The following PARD3B variants were observed in gnomAD, a reference collection of about 807,000 sequenced individuals.
The protein encoded by PARD3B is partitioning defective 3 homolog B.
In PARD3B, 103 loss-of-function variants were observed where a neutral mutation model predicts 130.2. The ratio of observed to expected loss-of-function variants is 0.79; its 90% CI spans 0.67 to 0.93. The LOEUF (loss-of-function observed/expected upper bound fraction) is 0.93, where lower values mean the gene tolerates loss of function less well. Ranked by LOEUF, PARD3B falls within the 40% of genes least tolerant of loss-of-function variation. PARD3B has a pLI of 0.00. For missense variants in PARD3B, 1,609 were observed against 1,499.2 expected (o/e 1.07, Z -1.21); for synonymous variants, 583 against 553.2 (o/e 1.05, Z -0.76).
At position 204,998,342 on chromosome 2, in the gene PARD3B, ATATATATATATATATATG is replaced by A. The variant is rs1159092240; in HGVS notation, c.394+33021_394+33038del. 2.1e-3 allele frequency among the ~76,000 whole-genome samples: 171 copies of A among 82,938 alleles called. 11 individuals carry two copies. The highest frequency in any genetic ancestry group is 0.01 in the Middle Eastern group (2 of 194). The allele number at this position is 82,938 out of a possible 152,430, so 54.4% of individuals were successfully genotyped here. A position where few individuals can be genotyped will look rare whatever the true frequency, so the allele number is the denominator to read the frequency against. Reference sequence around the variant, plus strand: ...TATATATATATATATATATATATATATATATATATATATATATGTGTGTGTGTGTGTGTATATATGTGT... The same window carrying A: ...TATATATATATATATATATATATATATGTGTGTGTGTGTGTATATATGTGT... On this transcript the variant is annotated intron_variant, in intron 3 of 22. Coordinates refer to ENST00000406610, the MANE Select transcript of PARD3B (RefSeq NM_001302769.2).
intron 3 of PARD3B, among the ~76,000 whole-genome samples, chr2:204,983,214 A>G (rs986235543): frequency 2.0e-5 from 3 of 152,184 alleles, no homozygotes; most frequent in African/African-American, 4.8e-5. Flanking sequence ...ATTTGCAGAC[A>G]TTATGTAGGA....
chr2:204,582,763 T>C (rs2032626769), intron 1 of PARD3B, among the ~76,000 whole-genome samples: 2 of 152,252 alleles, frequency 1.3e-5, no homozygotes, highest in Admixed American at 6.5e-5. Context: ...ATCTTCATGT[T>C]TGTGTAGATG....
At chr2:204,903,809 T>C (rs2046952035) in intron 2 of PARD3B, among the ~76,000 whole-genome samples, 1 of 152,214 alleles carries the variant, frequency 6.6e-6, no homozygotes, top group Non-Finnish European at 1.5e-5. Flanking sequence ...AGCTTTAAAA[T>C]GGCAAATAGA....
chr2:204,630,173 A>C (rs893822319), intron 1 of PARD3B, among the ~76,000 whole-genome samples: 28 of 152,120 alleles, frequency 1.8e-4, no homozygotes, highest in Non-Finnish European at 3.8e-4. Context: ...ATAGTGTTAT[A>C]CTCAATCTGA....
chr2:204,789,559 A>G (rs1160579670), intron 2 of PARD3B, among the ~76,000 whole-genome samples: 2 of 152,218 alleles, frequency 1.3e-5, no homozygotes, highest in African/African-American at 4.8e-5. Context: ...TAGGAAAGTG[A>G]TGTCATGAAG....
chr2:204,716,980 G>A (rs913063704), intron 2 of PARD3B, among the ~76,000 whole-genome samples: 1 of 152,122 alleles, frequency 6.6e-6, no homozygotes, highest in African/African-American at 2.4e-5. Context: ...GTATGGGTAA[G>A]GTTTTCTGAT....
chr2:205,380,365 A>T (rs1203819883), intron 18 of PARD3B, among the ~76,000 whole-genome samples: 9 of 23,724 alleles, frequency 3.8e-4, no homozygotes, highest in Non-Finnish European at 4.6e-4. Context: ...ATATATAAAG[A>T]ATATATATTA....
chr2:204,724,856 G>A (rs2039154815), intron 2 of PARD3B, among the ~76,000 whole-genome samples: 1 of 151,876 alleles, frequency 6.6e-6, no homozygotes, highest in African/African-American at 2.4e-5. Flanking sequence ...GGTGGGTAGG[G>A]GGAAGACAGG....
Position 205,229,082 on chromosome 2 carries a change from G to GT in PARD3B, c.2141-16695dup, listed in dbSNP as rs1452752573. Among the ~76,000 whole-genome samples the GT allele has an allele frequency of 2.0e-5, 3 of 152,206 alleles. No individual in the cohort carries two copies. The highest frequency in any genetic ancestry group is 4.4e-5 in the Non-Finnish European group (3 of 68,030). On this transcript the variant is annotated intron_variant, in intron 15 of 22. Coordinates refer to ENST00000406610, the MANE Select transcript of PARD3B (RefSeq NM_001302769.2). This position sits in a 1 kb window ranked among gnomAD's most constrained non-coding sequence, Gnocchi z 5.2. ...ATTCTGTATCTGAAAGGTCACTTAT[G>GT]TCTGTCTCTCTGGGTTTGGGTCACT... is the stretch of plus-strand genomic sequence containing the variant.
intron 1 of PARD3B, among the ~76,000 whole-genome samples, chr2:204,600,377 T>C (rs2125104585): frequency 6.6e-6 from 1 of 152,030 alleles, no homozygotes; most frequent in East Asian, 1.9e-4. Context: ...TGTTCTTTTT[T>C]CCTTATTGAT....
At chr2:205,173,120 C>T (rs995245868) in intron 12 of PARD3B, among the ~76,000 whole-genome samples, 1 of 152,026 alleles carries the variant, frequency 6.6e-6, no homozygotes, top group African/African-American at 2.4e-5. Flanking sequence ...AGAAAAACAT[C>T]AGCAAATCAC....
chr2:205,384,046 C>T, intron 18 of PARD3B, among the ~76,000 whole-genome samples: 1 of 152,086 alleles, frequency 6.6e-6, no homozygotes, highest in East Asian at 1.9e-4. Flanking sequence ...CCCCTTAGCA[C>T]AGTTTACCTC....
At chr2:205,278,178 G>GGGAA (rs1206127572) in intron 16 of PARD3B, among the ~76,000 whole-genome samples, 2 of 152,136 alleles carry the variant, frequency 1.3e-5, no homozygotes, top group Non-Finnish European at 2.9e-5. Context: ...TGGAGCTTTA[G>GGGAA]GGAAGCCTTG....
At position 205,618,625 on chromosome 2, in the gene PARD3B, G is replaced by C. The variant is rs1366685969; in HGVS notation, c.*2812G>C. 3.3e-5 allele frequency: 5 copies of C among 152,190 alleles called. No individual in the cohort carries two copies. The allele number at this position is 152,190 out of a possible 1,614,324, so 9.4% of individuals were successfully genotyped here. ...GCAGATCTGACTGCTGGGTCATGAAGGCCGTGAAATGATGTTTGCCCTCAA... is the reference window on the plus strand; with the variant it reads ...GCAGATCTGACTGCTGGGTCATGAACGCCGTGAAATGATGTTTGCCCTCAA... On this transcript the variant is annotated 3_prime_UTR_variant, in exon 23 of 23. Transcript: ENST00000406610.
intron 2 of PARD3B, among the ~76,000 whole-genome samples, chr2:204,699,513 C>T (rs980227150): frequency 2.6e-5 from 4 of 151,848 alleles, no homozygotes; most frequent in Admixed American, 1.3e-4. Flanking sequence ...GGAGGTTAAG[C>T]GAGTGAGATT....
chr2:205,356,180 C>A (rs1451743324), intron 18 of PARD3B, among the ~76,000 whole-genome samples: 3 of 152,034 alleles, frequency 2.0e-5, no homozygotes, highest in Non-Finnish European at 1.5e-5. Flanking sequence ...TGCTGTACAT[C>A]GATAAAGGTT....
chr2:204,961,353 T>A lies in PARD3B; in HGVS notation c.223-3799T>A, dbSNP rs538447474. ...GGTGGTGAGAAGTGGTCAAATAGAG[T>A]GTATGGGAGACAGAGCAAGAGGGGA... On this transcript the variant is annotated intron_variant, in intron 2 of 22. Coordinates refer to ENST00000406610, the MANE Select transcript of PARD3B (RefSeq NM_001302769.2). Among the ~76,000 whole-genome samples the A allele has an allele frequency of 3.3e-5, 5 of 151,388 alleles. No homozygotes were observed. In the South Asian group the frequency reaches 8.3e-4, roughly 25 times the overall value.
At position 205,351,128 on chromosome 2, in the gene PARD3B, T is replaced by G. The variant is rs2043981281; in HGVS notation, c.2630+49427T>G. 6.6e-6 allele frequency among the ~76,000 whole-genome samples: 1 copy of G among 152,214 alleles called. No homozygotes were observed. The highest frequency in any genetic ancestry group is 1.5e-5 in the Non-Finnish European group (1 of 68,036). On this transcript the variant is annotated intron_variant, in intron 18 of 22. Transcript: ENST00000406610. This position sits in a 1 kb window ranked among gnomAD's most constrained non-coding sequence, Gnocchi z 4.2. ...ATTTTTTCAAAAGGTGAATATTTTC[T>G]GGAATAAAATACAGAGTTGAAGTGA...
intron 3 of PARD3B, among the ~76,000 whole-genome samples, chr2:204,970,489 C>T (rs980462937): frequency 1.3e-5 from 2 of 152,160 alleles, no homozygotes; most frequent in African/African-American, 4.8e-5. Flanking sequence ...AATAAGCTGT[C>T]CTTTCTCCAA....
Sources: gnomAD v4.1 joint callset for allele counts (sites outside exome capture counted in the v4.1 genomes callset) on GRCh38, gnomAD v4.1.1 for gene constraint, Gnocchi (gnomAD v3.1) non-coding constraint, MANE v1.5 for transcripts, NCBI Gene and HGNC (gene_info 2026-07-23, HGNC 2026-07-21) for gene names.